ERBB4: variants seen among roughly 807,000 people sequenced by gnomAD.
ERBB4 encodes the protein receptor tyrosine-protein kinase erbB-4.
ERBB4 carries 42 observed loss-of-function variants against 158.0 expected under a neutral mutation model. The observed-to-expected ratio is 0.27, with a 90% CI of 0.21 to 0.34. ERBB4 has a LOEUF of 0.34. ERBB4 is among the 10% of genes least tolerant of loss of function. ERBB4 has a pLI of 1.00. For synonymous variants in ERBB4, 583 were observed against 558.7 expected (o/e 1.04, Z -0.61); for missense variants, 1,333 against 1,624.1 (o/e 0.82, Z 3.08).
chr2:212,074,704 C>T (rs1486139864), intron 2 of ERBB4, among the ~76,000 whole-genome samples: 1 of 151,764 alleles, frequency 6.6e-6, no homozygotes, highest in Non-Finnish European at 1.5e-5. Context: ...TTTAAGGATC[C>T]AGTTGGTGCT....
intron 3 of ERBB4, among the ~76,000 whole-genome samples, chr2:211,911,633 C>T (rs759813331): frequency 2.6e-5 from 4 of 152,066 alleles, no homozygotes; most frequent in Non-Finnish European, 5.9e-5. Flanking sequence ...GTTCAAATGA[C>T]TTGCAGAAGC....
Position 211,387,149 on chromosome 2 carries a change from T to C in ERBB4, c.3185A>G (p.Asn1062Ser). ...ACCTCCATCTCGGTATACAAACTGGTTCTGTTAATAAGAGAAACATATGTG... is the reference window on the plus strand; with the variant it reads ...ACCTCCATCTCGGTATACAAACTGGCTCTGTTAATAAGAGAAACATATGTG... Reference protein sequence around the residue: ...PPPAYTPMSGNQFVYRDGGFA... With the variant: ...PPPAYTPMSGSQFVYRDGGFA... Residue 1062 changes from asparagine (N) to serine (S), a missense_variant and splice_region_variant, in exon 27 of 28, where the codon AAC (asparagine) becomes AGC (serine). Transcript: ENST00000342788. The C allele has an allele frequency of 6.2e-7, 1 of 1,610,974 alleles. No individual in the cohort carries two copies. The highest frequency in any genetic ancestry group is 8.5e-7 in the Non-Finnish European group (1 of 1,177,120).
At chr2:212,266,987 T>C (rs975909361) in intron 1 of ERBB4, among the ~76,000 whole-genome samples, 1 of 151,980 alleles carries the variant, frequency 6.6e-6, no homozygotes, top group Non-Finnish European at 1.5e-5. Context: ...AGTGTATACC[T>C]GAAGTTTGGG....
chr2:211,917,620 TATTA>T (rs1221249546), intron 3 of ERBB4, among the ~76,000 whole-genome samples: 2 of 152,198 alleles, frequency 1.3e-5, no homozygotes, highest in East Asian at 1.9e-4. Context: ...ACTATAACTC[TATTA>T]ATTATCTATA....
chr2:212,434,463 T>G (rs1240115796), intron 1 of ERBB4, among the ~76,000 whole-genome samples: 2 of 151,738 alleles, frequency 1.3e-5, no homozygotes, highest in African/African-American at 4.8e-5. Context: ...AAGAACTAAG[T>G]AACACATATT....
At chr2:212,224,459 A>G (rs2083407230) in intron 1 of ERBB4, among the ~76,000 whole-genome samples, 1 of 151,996 alleles carries the variant, frequency 6.6e-6, no homozygotes, top group South Asian at 2.1e-4. Flanking sequence ...TTGCTGGTAT[A>G]AATAAAAATG....
intron 16 of ERBB4, among the ~76,000 whole-genome samples, chr2:211,647,365 TC>T (rs1212666709): frequency 6.6e-6 from 1 of 151,710 alleles, no homozygotes; most frequent in Non-Finnish European, 1.5e-5. Flanking sequence ...CTCTTCTCTC[TC>T]ATCTACATTT....
At position 211,381,510 on chromosome 2, in the gene ERBB4, G is replaced by A; in HGVS notation, c.*2105C>T. On this transcript the variant is annotated 3_prime_UTR_variant, in exon 28 of 28. Coordinates refer to ENST00000342788, the MANE Select transcript of ERBB4 (RefSeq NM_005235.3). ...GACAGCTATTCACAAAAGAGACTAT[G>A]CAATCTGATTGTTGGAACGCATAGA... The A allele has an allele frequency of 4.3e-6, 1 of 231,566 alleles. No individual in the cohort carries two copies. Among genetic ancestry groups the A allele is most frequent in the Non-Finnish European group, 8.5e-6 (1 of 117,048 alleles). The allele number at this position is 231,566 out of a possible 1,614,324, so 14.3% of individuals were successfully genotyped here. A position where few individuals can be genotyped will look rare whatever the true frequency, so the allele number is the denominator to read the frequency against.
At chr2:211,672,191 G>T (rs1039222774) in intron 14 of ERBB4, among the ~76,000 whole-genome samples, 34 of 151,978 alleles carry the variant, frequency 2.2e-4, no homozygotes, top group African/African-American at 7.5e-4. Flanking sequence ...TAAGCATTCT[G>T]GTATAAAAAT....
intron 3 of ERBB4, among the ~76,000 whole-genome samples, chr2:211,875,887 G>C (rs138756041): frequency 1.3e-5 from 2 of 152,246 alleles, no homozygotes; most frequent in Non-Finnish European, 2.9e-5. Context: ...ATGGTAGCAT[G>C]CTGCACTGGT....
At chr2:211,608,660 T>A (rs995966629) in intron 19 of ERBB4, among the ~76,000 whole-genome samples, 1 of 152,156 alleles carries the variant, frequency 6.6e-6, no homozygotes, top group Non-Finnish European at 1.5e-5. Flanking sequence ...AGTGGATTCA[T>A]GGTGGATAAT....
chr2:212,505,084 GTTTCT>G (rs1444720342), intron 1 of ERBB4, among the ~76,000 whole-genome samples: 18 of 151,326 alleles, frequency 1.2e-4, no homozygotes, highest in Non-Finnish European at 1.8e-4. Flanking sequence ...TTTTGTTTTT[GTTTCT>G]TTTGTTTGTT....
chr2:211,482,252 A>T (rs1453569863), intron 20 of ERBB4, among the ~76,000 whole-genome samples: 1 of 152,246 alleles, frequency 6.6e-6, no homozygotes. Flanking sequence ...CAAATTTATT[A>T]TAAGAAAAAG....
chr2:212,320,329 A>C (rs1505365), intron 1 of ERBB4, among the ~76,000 whole-genome samples: 1 of 144,886 alleles, frequency 6.9e-6, no homozygotes, highest in Admixed American at 6.8e-5. Context: ...TTTTTTTTTT[A>C]CTTCTTCTTC....
At chr2:211,673,082 G>A in intron 14 of ERBB4, 82 bp downstream of exon 14, 2 of 1,094,238 alleles carry the variant, frequency 1.8e-6, no homozygotes, top group Middle Eastern at 2.0e-4. Context: ...CTATTGAATG[G>A]ATGAATAAAT....
At chr2:211,922,617 T>TTGTTATATTGTTATA (rs1208640128) in intron 3 of ERBB4, among the ~76,000 whole-genome samples, 70 of 152,210 alleles carry the variant, frequency 4.6e-4, no homozygotes, top group African/African-American at 1.7e-3. Flanking sequence ...ACTGAGTAAA[T>TTGTTATATTGTTATA]TAATACATTG....
chr2:212,003,187 AAG>A lies in ERBB4; in HGVS notation c.235-55573_235-55572del, dbSNP rs1559293203. Reference sequence around the variant, plus strand: ...AAAGAAAGAAAGAAAGAAAGAAAGAAAGAAAGAAAGAAAGAAAGACAGAAAGA... The same window carrying A: ...AAAGAAAGAAAGAAAGAAAGAAAGAAAAAGAAAGAAAGAAAGACAGAAAGA... On this transcript the variant is annotated intron_variant, in intron 2 of 27. Coordinates refer to ENST00000342788, the MANE Select transcript of ERBB4 (RefSeq NM_005235.3). Among the ~76,000 whole-genome samples the A allele has an allele frequency of 3.7e-4, 27 of 73,482 alleles. 1 individual carries two copies. The highest frequency in any genetic ancestry group is 1.0e-3 in the African/African-American group (26 of 25,070). 48.2% of individuals were successfully genotyped at this position (73,482 alleles called of 152,430 possible).
intron 1 of ERBB4, among the ~76,000 whole-genome samples, chr2:212,399,456 G>A (rs140932572): frequency 1.3e-4 from 20 of 150,136 alleles, no homozygotes; most frequent in African/African-American, 3.9e-4. Context: ...GCACAATGGT[G>A]ATCACTCAGA....
intron 20 of ERBB4, among the ~76,000 whole-genome samples, chr2:211,459,108 CTG>C (rs1167035452): frequency 2.6e-5 from 4 of 152,168 alleles, no homozygotes; most frequent in Admixed American, 6.5e-5. Flanking sequence ...CAATACTTTT[CTG>C]TGTTTGAAGT....
Sources: gnomAD v4.1 joint callset for allele counts (sites outside exome capture counted in the v4.1 genomes callset) on GRCh38, gnomAD v4.1.1 for gene constraint, MANE v1.5 for transcripts, NCBI Gene and HGNC (gene_info 2026-07-23, HGNC 2026-07-21) for gene names.